The following USP24 variants were observed in gnomAD, a reference collection of about 807,000 sequenced individuals.
USP24 encodes the protein ubiquitin specific peptidase 24.
Under a neutral mutation model 361.6 loss-of-function variants are expected in USP24, and 97 were observed. That is an observed-to-expected ratio of 0.27 (90% CI 0.23 to 0.32). The LOEUF (loss-of-function observed/expected upper bound fraction) is 0.32, where lower values mean the gene tolerates loss of function less well. Ranked by LOEUF, USP24 falls within the 10% of genes least tolerant of loss-of-function variation. USP24 has a pLI of 1.00. For missense variants in USP24, 2,353 were observed against 3,165.6 expected, an observed-to-expected ratio of 0.74 and a Z score of 6.16; for synonymous variants, 1,098 against 1,124.6, an observed-to-expected ratio of 0.98 and a Z score of 0.47.
intron 55 of USP24, 32 bp downstream of exon 55, chr1:55,089,595 A>G: frequency 6.9e-7 from 1 of 1,456,354 alleles, no homozygotes; most frequent in Non-Finnish European, 9.3e-7. Context: ...AGAGACACAA[A>G]TTTCTTTTAA....
chr1:55,094,044 G>A lies in USP24; in HGVS notation c.6247C>T (p.Arg2083Trp), dbSNP rs752080651. The A allele has an allele frequency of 1.9e-6, 3 of 1,613,648 alleles. No homozygotes were observed. The highest frequency in any genetic ancestry group is 2.5e-6 in the Non-Finnish European group (3 of 1,179,732). Reference sequence around the variant, plus strand: ...CGGTCATTGTTCGGCCTATGGGGCCGAGGGGATGACTGAGGTGAAATTTCT... The same window carrying A: ...CGGTCATTGTTCGGCCTATGGGGCCAAGGGGATGACTGAGGTGAAATTTCT... ...SPEISPQSSP[R>W]PHRPNNDRLS... The change falls in exon 52 of 68, where the codon CGG becomes TGG. Residue 2083 changes from arginine to tryptophan, a missense_variant. By Grantham distance (101) the Arg-to-Trp change is moderately radical. Around this residue, in one of 8 missense-constraint regions of USP24, gnomAD observed 598 missense variants for 761.9 expected, o/e 0.78. Transcript: ENST00000294383.
In USP24 at chr1:55,196,055, C is replaced by T. The variant is rs148354820; in HGVS notation, c.325-17923G>A. 3.8e-3 allele frequency among the ~76,000 whole-genome samples: 577 copies of T among 152,322 alleles called. 5 individuals carry two copies. The highest frequency in any genetic ancestry group is 0.013 in the African/African-American group (540 of 41,572). On this transcript the variant is annotated intron_variant, in intron 1 of 67. Coordinates refer to ENST00000294383, the MANE Select transcript of USP24 (RefSeq NM_015306.3). ...TGAGACCTAAGTAAATGTCTACCTT[C>T]TTCACCACAGCCTCATATACACATT...
At chr1:55,096,415 T>G in intron 50 of USP24, 83 bp downstream of exon 50, 1 of 1,161,746 alleles carries the variant, frequency 8.6e-7, no homozygotes, top group Non-Finnish European at 1.1e-6. Flanking sequence ...TCTGTTGTGT[T>G]TTTATATAAA....
rs1645331200 is a variant in USP24 at position 55,089,631 on chromosome 1, T to C, written c.6664A>G (p.Ile2222Val). Reference protein sequence around the residue: ...YFISSEGRELIKIFLLECNVR... With the variant: ...YFISSEGRELVKIFLLECNVR... ...TTAAAAGACTCCAACACTTACTTTA[T>C]CAATTCTCGTCCTTCAGAACTAATA... Residue 2222 changes from isoleucine (I) to valine (V), a missense_variant, in exon 55 of 68, where the codon ATA becomes GTA. This residue lies in a region of USP24 where 598 missense variants were observed against 761.9 expected (regional missense o/e 0.78). Coordinates refer to ENST00000294383, the MANE Select transcript of USP24 (RefSeq NM_015306.3). 6.3e-7 allele frequency: 1 copy of C among 1,575,034 alleles called. No individual in the cohort carries two copies. The highest frequency in any genetic ancestry group is 8.6e-7 in the Non-Finnish European group (1 of 1,159,344).
chr1:55,109,042 G>A (rs944913622), intron 39 of USP24, among the ~76,000 whole-genome samples: 1 of 152,214 alleles, frequency 6.6e-6, no homozygotes, highest in South Asian at 2.1e-4. Context: ...AGGCTGGAGT[G>A]CAGTGATGCA....
At chr1:55,129,726 C>T (rs1022667148) in intron 31 of USP24, among the ~76,000 whole-genome samples, 152 bp from the exon 32 acceptor site, 34 of 152,256 alleles carry the variant, frequency 2.2e-4, no homozygotes, top group Admixed American at 1.8e-3. Flanking sequence ...TGATGTTTCA[C>T]GATAAAATAA....
intron 8 of USP24, 88 bp from the exon 9 acceptor site, chr1:55,159,773 G>C (rs1449951397): frequency 8.2e-7 from 1 of 1,225,190 alleles, no homozygotes; most frequent in African/African-American, 1.5e-5. Context: ...ATTCACAAAG[G>C]AGAAGGTGCA....
chr1:55,096,522 A>G lies in USP24; in HGVS notation c.6037T>C (p.Tyr2013His). 6.2e-7 allele frequency: 1 copy of G among 1,606,262 alleles called. No homozygotes were observed. Among genetic ancestry groups the G allele is most frequent in the Non-Finnish European group, 8.5e-7 (1 of 1,176,768 alleles). ...TLEYECFGGE[Y>H]RPKVYDQTNP... Reference sequence around the variant, plus strand: ...CTTTGATCATAAACTTTTGGTCTATATTCTCCTCCAAAGCATTCATACTCC... The same window carrying G: ...CTTTGATCATAAACTTTTGGTCTATGTTCTCCTCCAAAGCATTCATACTCC... Residue 2013 changes from tyrosine to histidine, a missense_variant, in exon 50 of 68, where the codon TAT (tyrosine) becomes CAT (histidine). This residue lies in a region of USP24 where 598 missense variants were observed against 761.9 expected (regional missense o/e 0.78). Transcript: ENST00000294383.
intron 51 of USP24, 21 bp downstream of exon 51, chr1:55,095,234 T>G: frequency 6.2e-7 from 1 of 1,610,800 alleles, no homozygotes; most frequent in Non-Finnish European, 8.5e-7. Context: ...ACACAGCAAA[T>G]TACATGGAAG....
In USP24 at chr1:55,117,713, G is replaced by A. The variant is rs1374370456; in HGVS notation, c.4508+2883C>T. Among the ~76,000 whole-genome samples, 6 of 143,726 alleles carry A rather than the reference G, an allele frequency of 4.2e-5. No individual in the cohort carries two copies. In the South Asian group the frequency reaches 6.5e-4, roughly 16 times the overall value. 94.3% of individuals were successfully genotyped at this position (143,726 alleles called of 152,430 possible). On this transcript the variant is annotated intron_variant, in intron 38 of 67. Transcript: ENST00000294383. ...ATTGCGCCACTGCAGTCCGCAGTCC[G>A]GCCTGGGCGACAGAGCGAGACTCCG...
chr1:55,122,706 G>A (rs1458052820), intron 36 of USP24, among the ~76,000 whole-genome samples: 1 of 151,818 alleles, frequency 6.6e-6, no homozygotes, highest in Non-Finnish European at 1.5e-5. Context: ...AGTAGGGGGT[G>A]AAAAAAAGAT....
At position 55,156,936 on chromosome 1, in the gene USP24, T is replaced by C. The variant is rs1307220670; in HGVS notation, c.1446+12A>G. 6.3e-7 allele frequency: 1 copy of C among 1,598,954 alleles called. No individual in the cohort carries two copies. Among genetic ancestry groups the C allele is most frequent in the Non-Finnish European group, 8.6e-7 (1 of 1,167,338 alleles). ...CATTAGCCAAAGGCAAAAATAATTC[T>C]GATCAACCTACCTGTATCTTCCAAA... On this transcript the variant is annotated intron_variant, in intron 12 of 67. Coordinates refer to ENST00000294383, the MANE Select transcript of USP24 (RefSeq NM_015306.3).
intron 22 of USP24, 35 bp downstream of exon 22, chr1:55,142,944 T>C: frequency 6.8e-7 from 1 of 1,470,060 alleles, no homozygotes; most frequent in East Asian, 2.5e-5. Flanking sequence ...TTCTGCTTTT[T>C]TGTATATGGA....
chr1:55,099,119 A>C (rs1234879760), intron 45 of USP24, among the ~76,000 whole-genome samples: 1 of 152,148 alleles, frequency 6.6e-6, no homozygotes, highest in Admixed American at 6.5e-5. Context: ...CAGGGCCATC[A>C]GCTCACCAGT....
chr1:55,145,585 A>T (rs1557631473), intron 20 of USP24, among the ~76,000 whole-genome samples: 1 of 152,214 alleles, frequency 6.6e-6, no homozygotes, highest in East Asian at 1.9e-4. Flanking sequence ...AGTGAAGGTT[A>T]CATAATTTTG....
intron 38 of USP24, among the ~76,000 whole-genome samples, chr1:55,119,739 T>A (rs891402158): frequency 6.6e-6 from 1 of 152,048 alleles, no homozygotes; most frequent in Non-Finnish European, 1.5e-5. Context: ...TTGTCTGTCA[T>A]GTATGTTGCA....
rs79045861 is a variant in USP24 at position 55,169,984 on chromosome 1, T to C, written c.825+1572A>G. On this transcript the variant is annotated intron_variant, in intron 5 of 67. Coordinates refer to ENST00000294383, the MANE Select transcript of USP24 (RefSeq NM_015306.3). ...GGAGGAGAAAGATACTAGTGAAATT[T>C]AGATTTTGTTTAGTAAGTTAACATT... Among the ~76,000 whole-genome samples the C allele has an allele frequency of 4.4e-3, 676 of 152,212 alleles. 2 individuals carry two copies. The highest frequency in any genetic ancestry group is 0.016 in the African/African-American group (653 of 41,540).
At position 55,192,177 on chromosome 1, in the gene USP24, T is replaced by G. The variant is rs76541793; in HGVS notation, c.325-14045A>C. Reference sequence around the variant, plus strand: ...TATTTATTTAGAAAAAGTACCCTTATTTTTTTAAAGAGACAATAAACTGAT... The same window carrying G: ...TATTTATTTAGAAAAAGTACCCTTAGTTTTTTAAAGAGACAATAAACTGAT... On this transcript the variant is annotated intron_variant, in intron 1 of 67. Transcript: ENST00000294383. 3.8e-3 allele frequency among the ~76,000 whole-genome samples: 585 copies of G among 152,280 alleles called. 3 individuals carry two copies. The highest frequency in any genetic ancestry group is 0.013 in the African/African-American group (557 of 41,552).
chr1:55,144,211 T>C lies in USP24; in HGVS notation c.2363-8A>G. ...TTTTAAATAAGTTAAAACCTGTAAT[T>C]ATAGAATGCCAAATAAATTCATGTA... On this transcript the variant is annotated splice_region_variant and splice_polypyrimidine_tract_variant and intron_variant, in intron 20 of 67. Coordinates refer to ENST00000294383, the MANE Select transcript of USP24 (RefSeq NM_015306.3). 6.4e-7 allele frequency: 1 copy of C among 1,552,102 alleles called. No individual in the cohort carries two copies. Among genetic ancestry groups the C allele is most frequent in the Non-Finnish European group, 8.8e-7 (1 of 1,138,084 alleles).
Sources: allele counts gnomAD v4.1 joint callset (sites outside exome capture counted in the v4.1 genomes callset), GRCh38; gene constraint gnomAD v4.1.1; regional missense constraint gnomAD v4.1.1; transcripts MANE v1.5; gene names NCBI Gene and HGNC (gene_info 2026-07-23, HGNC 2026-07-21).